Variants in GLB1 observed in about 807,000 individuals in gnomAD.
GLB1 encodes beta-galactosidase.
A neutral mutation model predicts 74.0 loss-of-function variants in GLB1; 56 were observed. The observed-to-expected ratio is 0.76, with a 90% confidence interval of 0.61 to 0.94. GLB1 has a LOEUF of 0.94. Among genes scored for constraint, GLB1 ranks in the 40% least tolerant of loss-of-function variants. GLB1 has a pLI of 0.00. For missense variants in GLB1, 787 were observed against 845.5 expected, an observed-to-expected ratio of 0.93 and a Z score of 0.86; for synonymous variants, 323 against 323.6, an observed-to-expected ratio of 1.00 and a Z score of 0.02.
rs1699934679 is a variant in GLB1, at chr3:33,072,807, A to C, written c.76-94T>G. On this transcript the variant is annotated intron_variant, in intron 1 of 15. Transcript: ENST00000307363. ...GTAGCAAGTGACTCTCTGCCTATTG[A>C]ATTTGTATAATGTGCTGATGGACTT... 2.6e-6 allele frequency: 4 copies of C among 1,554,818 alleles called. No individual in the cohort carries two copies. The South Asian group carries it at 3.5e-5, about 14-fold the overall frequency.
At chr3:33,025,658 CTG>C (rs1697713466) in intron 10 of GLB1, among the ~76,000 whole-genome samples, 1 of 148,538 alleles carries the variant, frequency 6.7e-6, no homozygotes, top group Non-Finnish European at 1.5e-5. Flanking sequence ...ATCACGCTGG[CTG>C]TGGCGGAAGG....
rs757926581 is a variant in GLB1 at position 33,018,452 on chromosome 3, T to A, written c.1343A>T (p.Asp448Val). Residue 448 changes from aspartate to valine, a missense_variant, in exon 13 of 16, where the codon GAT (aspartate) becomes GTT (valine). Asp to Val is a radical substitution (Grantham distance 152). Coordinates refer to ENST00000307363, the MANE Select transcript of GLB1 (RefSeq NM_000404.4). ...GVHDRAYVAV[D>V]GIPQGVLERN... ...CAGTTCAGAGACGATTCTTACCCCATCCACAGCAACATATGCTCGATCGTG... is the reference window on the plus strand; with the variant it reads ...CAGTTCAGAGACGATTCTTACCCCAACCACAGCAACATATGCTCGATCGTG... 7.4e-6 allele frequency: 12 copies of A among 1,612,986 alleles called. No homozygotes were observed. The East Asian group carries it at 1.6e-4, about 21-fold the overall frequency.
chr3:32,966,964 T>C, the GLB1 span, among the ~76,000 whole-genome samples: 1 of 152,182 alleles, frequency 6.6e-6, no homozygotes. Context: ...TTTCTTTCCT[T>C]TATAAATTAC....
At chr3:33,059,904 A>C (rs537727542) in intron 5 of GLB1, among the ~76,000 whole-genome samples, 1 of 152,370 alleles carries the variant, frequency 6.6e-6, no homozygotes, top group Admixed American at 6.5e-5. Flanking sequence ...AAGCACAAGA[A>C]ACTGTGAGTC....
In GLB1 at chr3:33,051,975, T is replaced by C; in HGVS notation, c.822A>G (p.Leu274=). The C allele has an allele frequency of 6.2e-7, 1 of 1,614,226 alleles. No homozygotes were observed. Among genetic ancestry groups the C allele is most frequent in the Non-Finnish European group, 8.5e-7 (1 of 1,180,050 alleles). The change falls in exon 8 of 16, where the codon CTA becomes CTG. Residue 274 remains leucine, a synonymous_variant. Transcript: ENST00000307363. ...TGGAGTGAGGTTGGCCCCAGTGATCTAGCCAGCCAGTATAGAATTCAGAAT... is the reference window on the plus strand; with the variant it reads ...TGGAGTGAGGTTGGCCCCAGTGATCCAGCCAGCCAGTATAGAATTCAGAAT... ...LINSEFYTGW[L]DHWGQPHSTI... is the part of the protein sequence containing the mutation.
chr3:33,074,699 T>TA (rs1319356186), intron 1 of GLB1, among the ~76,000 whole-genome samples: 3 of 152,136 alleles, frequency 2.0e-5, no homozygotes, highest in Non-Finnish European at 2.9e-5. Flanking sequence ...ACCAGGGTTT[T>TA]AAGAAGCCAA....
chr3:33,096,924 G>C (rs1357358300), intron 1 of GLB1, 87 bp downstream of exon 1: 3 of 1,543,288 alleles, frequency 1.9e-6, no homozygotes, highest in Non-Finnish European at 2.6e-6. Context: ...CGCCCTGCGG[G>C]ACCGCGGGTG....
intron 5 of GLB1, among the ~76,000 whole-genome samples, chr3:33,059,278 C>T (rs1356138497): frequency 1.4e-5 from 2 of 142,044 alleles, no homozygotes; most frequent in African/African-American, 2.5e-5. Context: ...CACACACACA[C>T]ACACACACAC....
chr3:33,075,798 T>C (rs1195176922), intron 1 of GLB1, among the ~76,000 whole-genome samples: 1 of 152,026 alleles, frequency 6.6e-6, no homozygotes, highest in African/African-American at 2.4e-5. Context: ...GCAAAGTTCT[T>C]TGGGAGGCCA....
intron 1 of GLB1, among the ~76,000 whole-genome samples, chr3:33,078,758 G>GA (rs1453777694): frequency 3.3e-5 from 5 of 152,182 alleles, no homozygotes; most frequent in African/African-American, 7.2e-5. Flanking sequence ...TTCGTAATAT[G>GA]AAATGATACG....
At position 33,079,781 on chromosome 3, in the gene GLB1, G is replaced by A. The variant is rs148753229; in HGVS notation, c.76-7068C>T. 3.0e-3 allele frequency among the ~76,000 whole-genome samples: 460 copies of A among 152,250 alleles called. 1 individual carries two copies. The highest frequency in any genetic ancestry group is 0.01 in the African/African-American group (436 of 41,554). ...GGGTGAAAAGAGAAGGCAGAGGAGA[G>A]AGTTTTTTGTTTTTGAGTCAGGGTC... On this transcript the variant is annotated intron_variant, in intron 1 of 15. Coordinates refer to ENST00000307363, the MANE Select transcript of GLB1 (RefSeq NM_000404.4).
the GLB1 span, among the ~76,000 whole-genome samples, chr3:32,974,421 A>G: frequency 1.2e-4 from 18 of 152,324 alleles, no homozygotes; most frequent in African/African-American, 3.8e-4. Flanking sequence ...ATATATACCC[A>G]TATCCACATC....
chr3:33,026,500 G>C (rs1336053740), intron 10 of GLB1, among the ~76,000 whole-genome samples: 4 of 152,048 alleles, frequency 2.6e-5, no homozygotes, highest in African/African-American at 9.7e-5. Context: ...CTCCTGGGTG[G>C]AAGGGGGCGA....
the GLB1 span, among the ~76,000 whole-genome samples, chr3:32,989,254 C>T: frequency 3.9e-5 from 6 of 152,178 alleles, no homozygotes; most frequent in East Asian, 1.2e-3. Context: ...CTCCTCAGCC[C>T]GTTTCACCTC....
At chr3:33,035,235 C>T (rs1415008828) in intron 10 of GLB1, among the ~76,000 whole-genome samples, 2 of 152,006 alleles carry the variant, frequency 1.3e-5, no homozygotes, top group African/African-American at 4.8e-5. Flanking sequence ...AGTTCGAGAG[C>T]AGCCCGGGCA....
chr3:33,006,299 G>A (rs1464403011), intron 15 of GLB1, among the ~76,000 whole-genome samples: 1 of 152,212 alleles, frequency 6.6e-6, no homozygotes, highest in Non-Finnish European at 1.5e-5. Context: ...GATTCTCATA[G>A]GAGCAGGAAC....
At chr3:33,058,540 T>A (rs768049195) in intron 5 of GLB1, among the ~76,000 whole-genome samples, 7 of 152,166 alleles carry the variant, frequency 4.6e-5, no homozygotes, top group Non-Finnish European at 8.8e-5. Flanking sequence ...TGTAGTGGTA[T>A]TCTTCCCTAG....
In GLB1 at chr3:33,067,002, C is replaced by T. The variant is rs1213236237; in HGVS notation, c.457+1228G>A. Among the ~76,000 whole-genome samples, 13 of 135,434 alleles carry T rather than the reference C, an allele frequency of 9.6e-5. No individual in the cohort carries two copies. In the East Asian group the frequency reaches 1.3e-3, roughly 13 times the overall value. 88.8% of individuals were successfully genotyped at this position (135,434 alleles called of 152,430 possible). A position where few individuals can be genotyped will look rare whatever the true frequency, so the allele number is the denominator to read the frequency against. On this transcript the variant is annotated intron_variant, in intron 4 of 15. Transcript: ENST00000307363. ...AGAAACTGTCATTTTGTTTTTATTT[C>T]TTTTTTTTTTTTTTTTTGAGACAGA...
At chr3:33,068,131 C>T in intron 4 of GLB1, 99 bp downstream of exon 4, 4 of 1,561,908 alleles carry the variant, frequency 2.6e-6, no homozygotes, top group Admixed American at 1.7e-5. Context: ...AGGTAATCCA[C>T]CCGCCTCAGC....
Sources: gnomAD v4.1 joint callset for allele counts (sites outside exome capture counted in the v4.1 genomes callset) on GRCh38, gnomAD v4.1.1 for gene constraint, MANE v1.5 for transcripts, NCBI Gene and HGNC (gene_info 2026-07-23, HGNC 2026-07-21) for gene names.